CNTNAP2: variants seen among roughly 807,000 people sequenced by gnomAD.
The protein encoded by CNTNAP2 is contactin associated protein 2.
In CNTNAP2, 98 loss-of-function variants were observed where a neutral mutation model predicts 155.2. The ratio of observed to expected loss-of-function variants is 0.63; its 90% confidence interval spans 0.54 to 0.75. CNTNAP2 has a LOEUF of 0.75. CNTNAP2 is among the 30% of genes least tolerant of loss of function. CNTNAP2 has a pLI of 0.00. For missense variants in CNTNAP2, 1,727 were observed against 1,688.1 expected (o/e 1.02, Z -0.40); for synonymous variants, 651 against 631.2 (o/e 1.03, Z -0.47).
At chr7:148,334,184 G>A (rs1237029107) in intron 21 of CNTNAP2, among the ~76,000 whole-genome samples, 1 of 152,214 alleles carries the variant, frequency 6.6e-6, no homozygotes, top group Non-Finnish European at 1.5e-5. Flanking sequence ...TCTGAGTTGT[G>A]TCTGACCTGG....
At chr7:148,283,306 AGGAAGGAAG>A (rs1483894682) in intron 21 of CNTNAP2, among the ~76,000 whole-genome samples, 9 of 59,492 alleles carry the variant, frequency 1.5e-4, no homozygotes, top group South Asian at 5.2e-4. Flanking sequence ...AAAGAAAGAA[AGGAAGGAAG>A]GAAGGAAAGA....
intron 16 of CNTNAP2, among the ~76,000 whole-genome samples, chr7:148,128,715 T>C (rs1257939459): frequency 6.6e-6 from 1 of 152,178 alleles, no homozygotes; most frequent in Non-Finnish European, 1.5e-5. Flanking sequence ...CAAGTTACTT[T>C]AGAGTTTACT....
intron 14 of CNTNAP2, among the ~76,000 whole-genome samples, chr7:147,921,109 T>C (rs1432658720): frequency 1.3e-5 from 2 of 151,026 alleles, no homozygotes. Context: ...ACGCCCTGCC[T>C]CCTTTTTTTT....
intron 1 of CNTNAP2, among the ~76,000 whole-genome samples, chr7:146,358,275 C>G (rs1371414718): frequency 6.6e-6 from 1 of 152,090 alleles, no homozygotes; most frequent in Admixed American, 6.5e-5. Flanking sequence ...ACCTCGTGAT[C>G]CACCCTCCTC....
intron 3 of CNTNAP2, among the ~76,000 whole-genome samples, chr7:146,907,898 G>A (rs1180186768): frequency 6.6e-6 from 1 of 152,090 alleles, no homozygotes; most frequent in Non-Finnish European, 1.5e-5. Flanking sequence ...GCTGTCTTCA[G>A]GAAACCCATC....
At chr7:147,501,248 T>C (rs6973308) in intron 11 of CNTNAP2, among the ~76,000 whole-genome samples, 47,971 of 150,744 alleles carry the variant, frequency 0.32, 7,843 homozygotes, top group East Asian at 0.43. Context: ...CAATAAAGGC[T>C]GTATGTGAGG....
In CNTNAP2 at chr7:147,054,225, T is replaced by C. The variant is rs1393870216; in HGVS notation, c.550+10171T>C. ...TATCAATTATCACCGTAAGAATATA[T>C]AGGAGATATCCAGTAAGAAAAGTAT... On this transcript the variant is annotated intron_variant, in intron 4 of 23. Coordinates refer to ENST00000361727, the MANE Select transcript of CNTNAP2 (RefSeq NM_014141.6). Among the ~76,000 whole-genome samples, 3 of 152,292 alleles carry C rather than the reference T, an allele frequency of 2.0e-5. No homozygotes were observed. In the East Asian group the frequency reaches 5.8e-4, roughly 29 times the overall value.
chr7:146,527,648 G>A (rs1423368689), intron 1 of CNTNAP2, among the ~76,000 whole-genome samples: 1 of 151,934 alleles, frequency 6.6e-6, no homozygotes, highest in Non-Finnish European at 1.5e-5. Context: ...TCTCTTGACA[G>A]CCTATGCATC....
intron 1 of CNTNAP2, among the ~76,000 whole-genome samples, chr7:146,399,001 A>C (rs1795674757): frequency 2.0e-5 from 3 of 150,924 alleles, no homozygotes; most frequent in Admixed American, 6.6e-5. Context: ...AAATGTTTTT[A>C]CTCATTTGTT....
intron 17 of CNTNAP2, among the ~76,000 whole-genome samples, chr7:148,160,977 T>C (rs931608117): frequency 3.3e-5 from 5 of 152,218 alleles, no homozygotes; most frequent in African/African-American, 1.2e-4. Context: ...TCTTTATTCA[T>C]TCCTATTGTC....
intron 13 of CNTNAP2, among the ~76,000 whole-genome samples, chr7:147,656,150 C>T (rs1311265209): frequency 6.6e-6 from 1 of 152,188 alleles, no homozygotes. Context: ...GGGCCTTGCT[C>T]TGGATTAGGC....
intron 15 of CNTNAP2, among the ~76,000 whole-genome samples, chr7:148,028,155 C>T (rs553150378): frequency 2.6e-5 from 4 of 152,232 alleles, no homozygotes; most frequent in Admixed American, 1.3e-4. Context: ...CAGACGAAAT[C>T]GGTGTCATAA....
chr7:146,344,322 C>G (rs7807111), intron 1 of CNTNAP2, among the ~76,000 whole-genome samples: 35,351 of 152,058 alleles, frequency 0.23, 8,574 homozygotes, highest in African/African-American at 0.62. Context: ...GTTATCCTAA[C>G]TGATAATTTA....
chr7:146,791,030 T>C (rs1802664285), intron 2 of CNTNAP2, among the ~76,000 whole-genome samples: 1 of 152,018 alleles, frequency 6.6e-6, no homozygotes, highest in Non-Finnish European at 1.5e-5. Flanking sequence ...ATCAACCCGT[T>C]ATCTACAATA....
At chr7:148,283,852 A>G (rs75785438) in intron 21 of CNTNAP2, among the ~76,000 whole-genome samples, 22,180 of 152,206 alleles carry the variant, frequency 0.15, 2,081 homozygotes, top group African/African-American at 0.26. Context: ...AATCAACAAC[A>G]TTTATTTCAA....
intron 21 of CNTNAP2, among the ~76,000 whole-genome samples, chr7:148,357,802 T>C (rs1798545356): frequency 1.3e-5 from 2 of 152,238 alleles, no homozygotes; most frequent in South Asian, 4.1e-4. Flanking sequence ...TGTGACTTAA[T>C]ATATGCATAT....
At chr7:146,529,562 T>C (rs17585288) in intron 1 of CNTNAP2, among the ~76,000 whole-genome samples, 12,700 of 152,200 alleles carry the variant, frequency 0.083, 708 homozygotes, top group Non-Finnish European at 0.12. Context: ...AATGCATACA[T>C]GAGGCATGCC....
chr7:147,747,521 A>G (rs1797065062), intron 13 of CNTNAP2, among the ~76,000 whole-genome samples: 1 of 152,152 alleles, frequency 6.6e-6, no homozygotes, highest in East Asian at 1.9e-4. Context: ...GGTTACTTCC[A>G]TATCTTTGCT....
intron 19 of CNTNAP2, among the ~76,000 whole-genome samples, chr7:148,223,991 C>A (rs1005161495): frequency 6.6e-6 from 1 of 152,032 alleles, no homozygotes; most frequent in Non-Finnish European, 1.5e-5. Context: ...TATTGCCTGA[C>A]CCATGCCAGG....
Sources: allele counts gnomAD v4.1 joint callset (sites outside exome capture counted in the v4.1 genomes callset), GRCh38; gene constraint gnomAD v4.1.1; transcripts MANE v1.5; gene names NCBI Gene and HGNC (gene_info 2026-07-23, HGNC 2026-07-21).